The following CACNB2 variants were observed in gnomAD, a reference collection of about 807,000 sequenced individuals.
CACNB2 encodes voltage-dependent L-type calcium channel subunit beta-2.
In CACNB2, 42 loss-of-function variants were observed where a neutral mutation model predicts 73.3. The ratio of observed to expected loss-of-function variants is 0.57; its 90% CI spans 0.45 to 0.74. The LOEUF is 0.74. Ranked by LOEUF, CACNB2 falls within the 30% of genes least tolerant of loss-of-function variation. The pLI is 0.00. For missense variants in CACNB2, 940 were observed against 853.0 expected (o/e 1.10, Z -1.27); for synonymous variants, 348 against 310.3 (o/e 1.12, Z -1.28).
intron 2 of CACNB2, among the ~76,000 whole-genome samples, chr10:18,177,261 ACGTGCCT>A (rs2033648557): frequency 1.3e-5 from 2 of 152,062 alleles, no homozygotes; most frequent in African/African-American, 2.4e-5. Flanking sequence ...AAAAACAAAC[ACGTGCCT>A]CAGTAGGATC....
At chr10:18,292,918 T>C (rs2039126239) in intron 2 of CACNB2, among the ~76,000 whole-genome samples, 1 of 152,222 alleles carries the variant, frequency 6.6e-6, no homozygotes, top group Non-Finnish European at 1.5e-5. Flanking sequence ...ATACTCATCA[T>C]AGAATTTATT....
chr10:18,485,043 T>C (rs2048986490), intron 3 of CACNB2, among the ~76,000 whole-genome samples: 2 of 152,024 alleles, frequency 1.3e-5, no homozygotes, highest in South Asian at 4.2e-4. Flanking sequence ...TAATCCCAGC[T>C]ACTTGGGAGG....
intron 3 of CACNB2, among the ~76,000 whole-genome samples, chr10:18,437,713 A>T (rs2132896544): frequency 6.6e-6 from 1 of 152,306 alleles, no homozygotes; most frequent in South Asian, 2.1e-4. Context: ...ACTATCTTTG[A>T]CAGCACTGAG....
intron 9 of CACNB2, among the ~76,000 whole-genome samples, chr10:18,520,911 C>G (rs1400820988): frequency 3.3e-5 from 5 of 152,194 alleles, no homozygotes; most frequent in Admixed American, 2.0e-4. Flanking sequence ...TTTTCTAGTG[C>G]TCTTTTATGT....
chr10:18,169,540 T>C lies in CACNB2; in HGVS notation c.213+18565T>C, dbSNP rs145837946. The stretch of plus-strand genomic sequence containing the variant: ...ATTGTACGGGAAAAATATTGCTCTC[T>C]GAATAAAGTCATCTGAGTTCAACCT... On this transcript the variant is annotated intron_variant, in intron 2 of 13. Transcript: ENST00000324631. Among the ~76,000 whole-genome samples, 769 of 152,354 alleles carry C rather than the reference T, an allele frequency of 5.0e-3. 3 individuals are homozygous for C. Among genetic ancestry groups the C allele is most frequent in the Non-Finnish European group, 7.5e-3 (508 of 68,020 alleles).
rs185406488 is a variant in CACNB2, at chr10:18,332,179, C to G, written c.214-69745C>G. Among the ~76,000 whole-genome samples the G allele has an allele frequency of 3.6e-3, 552 of 152,264 alleles. 3 individuals carry two copies. The highest frequency in any genetic ancestry group is 4.2e-3 in the Non-Finnish European group (288 of 68,026). ...ATTTTAAGCAGCAGGGTGATACAAG[C>G]TGTCTGTGCCTTATAAAGACCTCTT... On this transcript the variant is annotated intron_variant, in intron 2 of 13. Transcript: ENST00000324631.
chr10:18,515,116 C>T, intron 7 of CACNB2: 2 of 1,228,880 alleles, frequency 1.6e-6, no homozygotes, highest in Non-Finnish European at 2.4e-6. Context: ...ATTTTACCAT[C>T]TCACCCTTTG....
intron 2 of CACNB2, among the ~76,000 whole-genome samples, chr10:18,352,455 G>T (rs1277682588): frequency 2.0e-5 from 3 of 152,198 alleles, no homozygotes; most frequent in Admixed American, 6.5e-5. Context: ...GAACAGTAGG[G>T]TTGATAAATA....
intron 2 of CACNB2, among the ~76,000 whole-genome samples, chr10:18,167,714 C>T (rs142771876): frequency 8.0e-4 from 122 of 152,162 alleles, no homozygotes; most frequent in Middle Eastern, 3.4e-3. Flanking sequence ...TACAGAATGG[C>T]GCAGGGGGTA....
intron 2 of CACNB2, among the ~76,000 whole-genome samples, chr10:18,336,812 A>T (rs2041026347): frequency 6.6e-6 from 1 of 152,244 alleles, no homozygotes; most frequent in South Asian, 2.1e-4. Flanking sequence ...TGAGTTAAAC[A>T]AAGGGTTCTA....
At chr10:18,477,019 C>CAA (rs35846838) in intron 3 of CACNB2, among the ~76,000 whole-genome samples, 58 of 122,524 alleles carry the variant, frequency 4.7e-4, no homozygotes, top group Middle Eastern at 4.5e-3. Flanking sequence ...GATTGAATCT[C>CAA]AAAAAAAAAA....
rs1564504815 is a variant in CACNB2, at chr10:18,398,689, ACATACACACACACACACACACACAC to A, written c.214-3234_214-3210del. On this transcript the variant is annotated intron_variant, in intron 2 of 13. Coordinates refer to ENST00000324631, the MANE Select transcript of CACNB2 (RefSeq NM_201596.3). ...CTGTCACACACACACACACACACACACATACACACACACACACACACACACAATTGTTTTTGTGTGAAAGTATATA... is the reference window on the plus strand; with the variant it reads ...CTGTCACACACACACACACACACACAAATTGTTTTTGTGTGAAAGTATATA... 4.1e-5 allele frequency among the ~76,000 whole-genome samples: 3 copies of A among 73,530 alleles called. No homozygotes were observed. In the East Asian group the frequency reaches 7.6e-4, roughly 19 times the overall value. The allele number at this position is 73,530 out of a possible 152,430, so 48.2% of individuals were successfully genotyped here. A position where few individuals can be genotyped will look rare whatever the true frequency, so the allele number is the denominator to read the frequency against.
At chr10:18,202,061 GCT>G (rs1215894509) in intron 2 of CACNB2, among the ~76,000 whole-genome samples, 2 of 152,154 alleles carry the variant, frequency 1.3e-5, no homozygotes, top group Non-Finnish European at 2.9e-5. Flanking sequence ...CATTTTACCA[GCT>G]CTGTGTTAAT....
intron 2 of CACNB2, among the ~76,000 whole-genome samples, chr10:18,399,001 C>T (rs1013407809): frequency 1.3e-5 from 2 of 152,248 alleles, no homozygotes; most frequent in East Asian, 3.9e-4. Context: ...ACCGGGAATG[C>T]GACCGCGGGA....
chr10:18,214,145 T>TC (rs2035422858), intron 2 of CACNB2, among the ~76,000 whole-genome samples: 2 of 79,092 alleles, frequency 2.5e-5, no homozygotes, highest in Non-Finnish European at 4.0e-5. Context: ...TATAGAAGTA[T>TC]AAGTTCTTCT....
chr10:18,300,180 C>A (rs925596848), intron 2 of CACNB2, among the ~76,000 whole-genome samples: 2 of 152,152 alleles, frequency 1.3e-5, no homozygotes, highest in East Asian at 3.9e-4. Context: ...CATCACCATG[C>A]CTGGCTAATT....
At chr10:18,416,409 A>C (rs1047778340) in intron 3 of CACNB2, among the ~76,000 whole-genome samples, 1 of 152,024 alleles carries the variant, frequency 6.6e-6, no homozygotes, top group African/African-American at 2.4e-5. Flanking sequence ...TAATGCTATA[A>C]AGTTTTGTTT....
At chr10:18,150,855 CTTTTT>C (rs71402148) in intron 1 of CACNB2, 23 bp from the exon 2 acceptor site, 613 of 483,364 alleles carry the variant, frequency 1.3e-3, no homozygotes, top group East Asian at 2.5e-3. Context: ...TCTTATTTGT[CTTTTT>C]TTTTTTTTTT....
chr10:18,292,481 C>A (rs2039106438), intron 2 of CACNB2, among the ~76,000 whole-genome samples: 1 of 152,118 alleles, frequency 6.6e-6, no homozygotes, highest in South Asian at 2.1e-4. Context: ...TATGGTAAAA[C>A]CCCGTCCCTA....
Sources: allele counts gnomAD v4.1 joint callset (sites outside exome capture counted in the v4.1 genomes callset), GRCh38; gene constraint gnomAD v4.1.1; transcripts MANE v1.5; gene names NCBI Gene and HGNC (gene_info 2026-07-23, HGNC 2026-07-21).